PTPRD: variants seen among roughly 807,000 people sequenced by gnomAD.
PTPRD encodes the protein receptor-type tyrosine-protein phosphatase delta.
PTPRD carries 34 observed loss-of-function variants against 214.5 expected under a neutral mutation model. The ratio of observed to expected loss-of-function variants is 0.16; its 90% confidence interval spans 0.12 to 0.21. The LOEUF (loss-of-function observed/expected upper bound fraction) is 0.21. Among genes scored for constraint, PTPRD ranks in the 10% least tolerant of loss-of-function variants. The pLI is 1.00. For missense variants in PTPRD, 2,545 were observed against 2,398.7 expected (o/e 1.06, Z -1.27); for synonymous variants, 1,128 against 845.7 (o/e 1.33, Z -5.79).
rs972115219 is a variant in PTPRD, at chr9:9,938,592, C to G, written c.-453G>C. The G allele has an allele frequency of 7.9e-5, 12 of 152,112 alleles. No individual in the cohort carries two copies. Among genetic ancestry groups the G allele is most frequent in the South Asian group, 2.1e-4 (1 of 4,830 alleles). 9.4% of individuals were successfully genotyped at this position (152,112 alleles called of 1,614,324 possible). On this transcript the variant is annotated 5_prime_UTR_variant, in exon 5 of 46. Coordinates refer to ENST00000381196, the MANE Select transcript of PTPRD (RefSeq NM_002839.4). ...CTGGAATATCACGGGCCAGGAACTG[C>G]TTGCCTTTTATTTTCCACCTGGAAC... is the stretch of plus-strand genomic sequence containing the variant.
At chr9:9,949,636 G>A (rs1322724090) in intron 4 of PTPRD, among the ~76,000 whole-genome samples, 2 of 152,098 alleles carry the variant, frequency 1.3e-5, no homozygotes, top group Non-Finnish European at 2.9e-5. Flanking sequence ...TACGGAGTAG[G>A]CATTTTCTGA....
intron 3 of PTPRD, among the ~76,000 whole-genome samples, chr9:10,282,623 C>A (rs1346396162): frequency 6.6e-6 from 1 of 152,156 alleles, no homozygotes; most frequent in Non-Finnish European, 1.5e-5. Flanking sequence ...TCAACCCTGG[C>A]TGTACATTAG....
At chr9:9,290,534 A>G (rs1408725605) in intron 9 of PTPRD, among the ~76,000 whole-genome samples, 1 of 151,430 alleles carries the variant, frequency 6.6e-6, no homozygotes, top group Non-Finnish European at 1.5e-5. Flanking sequence ...GGAGTTTTAG[A>G]GTTTTGGTTC....
At chr9:10,487,515 ATATCT>A (rs966433051) in intron 2 of PTPRD, among the ~76,000 whole-genome samples, 1 of 152,172 alleles carries the variant, frequency 6.6e-6, no homozygotes, top group Non-Finnish European at 1.5e-5. Flanking sequence ...CTATCTTATA[ATATCT>A]TATAACCCAT....
intron 10 of PTPRD, among the ~76,000 whole-genome samples, chr9:9,026,760 A>C (rs2099588653): frequency 6.6e-6 from 1 of 151,872 alleles, no homozygotes; most frequent in Admixed American, 6.6e-5. Flanking sequence ...TGAAATTCAA[A>C]CTGCTTTATT....
At chr9:8,945,987 C>T (rs1025026444) in intron 11 of PTPRD, among the ~76,000 whole-genome samples, 2 of 152,108 alleles carry the variant, frequency 1.3e-5, no homozygotes, top group African/African-American at 2.4e-5. Flanking sequence ...CAAACTTGTT[C>T]CCCTAGGAAA....
chr9:9,907,304 T>G (rs1011344554), intron 5 of PTPRD, among the ~76,000 whole-genome samples: 4 of 151,970 alleles, frequency 2.6e-5, no homozygotes, highest in African/African-American at 9.7e-5. Context: ...ATCCTATTAT[T>G]ATTATATTAG....
At chr9:10,160,296 C>T (rs2154288098) in intron 3 of PTPRD, among the ~76,000 whole-genome samples, 1 of 152,076 alleles carries the variant, frequency 6.6e-6, no homozygotes, top group South Asian at 2.1e-4. Context: ...AAGTTTGAAG[C>T]ATGAGGATAT....
chr9:9,304,790 A>G (rs1182830578), intron 9 of PTPRD, among the ~76,000 whole-genome samples: 2 of 151,330 alleles, frequency 1.3e-5, no homozygotes, highest in Non-Finnish European at 2.9e-5. Flanking sequence ...AAAAGAGCTG[A>G]CAGTCTTATT....
intron 3 of PTPRD, among the ~76,000 whole-genome samples, chr9:10,254,565 G>T (rs910933998): frequency 1.3e-5 from 2 of 152,120 alleles, no homozygotes; most frequent in Non-Finnish European, 2.9e-5. Context: ...CTATTTAGAG[G>T]AAGGCTGTGC....
At chr9:9,396,550 C>T (rs1222665965) in intron 9 of PTPRD, among the ~76,000 whole-genome samples, 1 of 151,904 alleles carries the variant, frequency 6.6e-6, no homozygotes, top group Admixed American at 6.6e-5. Context: ...TTATTTCTTA[C>T]CCAAAACCTA....
chr9:8,518,588 G>A (rs2097829006), intron 20 of PTPRD, among the ~76,000 whole-genome samples, 159 bp from the exon 21 acceptor site: 1 of 152,110 alleles, frequency 6.6e-6, no homozygotes, highest in South Asian at 2.1e-4. Context: ...GGCCAAGAAG[G>A]ACAGGAAAAC....
intron 12 of PTPRD, among the ~76,000 whole-genome samples, chr9:8,703,093 G>C (rs1008531961): frequency 6.6e-5 from 10 of 152,086 alleles, no homozygotes; most frequent in Non-Finnish European, 1.2e-4. Context: ...CAGAAGAGCT[G>C]GTCAGATACC....
At chr9:10,075,729 A>G (rs1385313245) in intron 3 of PTPRD, among the ~76,000 whole-genome samples, 1 of 151,970 alleles carries the variant, frequency 6.6e-6, no homozygotes, top group Non-Finnish European at 1.5e-5. Flanking sequence ...GAGTTATTAT[A>G]TTAGACATAC....
At chr9:10,586,395 C>T (rs1332897922) in intron 2 of PTPRD, among the ~76,000 whole-genome samples, 1 of 151,670 alleles carries the variant, frequency 6.6e-6, no homozygotes, top group Non-Finnish European at 1.5e-5. Context: ...CTATATTCAG[C>T]TCAATAAAAA....
intron 3 of PTPRD, among the ~76,000 whole-genome samples, chr9:10,078,822 T>C (rs779852513): frequency 1.3e-5 from 2 of 152,078 alleles, no homozygotes; most frequent in Non-Finnish European, 2.9e-5. Flanking sequence ...TCTTCAAATA[T>C]TTTAGAGATT....
intron 5 of PTPRD, among the ~76,000 whole-genome samples, chr9:9,859,279 G>C (rs983919325): frequency 5.3e-5 from 8 of 152,134 alleles, no homozygotes; most frequent in African/African-American, 9.7e-5. Context: ...TCTCAGGTAA[G>C]TATCTTTATA....
Position 9,605,889 on chromosome 9 carries a change from G to A in PTPRD, c.-286-31108C>T, listed in dbSNP as rs1486752626. Among the ~76,000 whole-genome samples, 5 of 152,162 alleles carry A rather than the reference G, an allele frequency of 3.3e-5. No individual in the cohort carries two copies. The East Asian group carries it at 9.6e-4, about 29-fold the overall frequency. On this transcript the variant is annotated intron_variant, in intron 7 of 45. Coordinates refer to ENST00000381196, the MANE Select transcript of PTPRD (RefSeq NM_002839.4). ...ACTTGTCATAATGAGGCTCTTTTAT[G>A]TTATAAGTAAAGGCCAAAGTGCAAA...
At chr9:9,022,318 C>G (rs936996399) in intron 10 of PTPRD, among the ~76,000 whole-genome samples, 1 of 152,094 alleles carries the variant, frequency 6.6e-6, no homozygotes, top group African/African-American at 2.4e-5. Context: ...TCACTGCTCA[C>G]TCGTTGATTC....
Sources: gnomAD v4.1 joint callset for allele counts (sites outside exome capture counted in the v4.1 genomes callset) on GRCh38, gnomAD v4.1.1 for gene constraint, MANE v1.5 for transcripts, NCBI Gene and HGNC (gene_info 2026-07-23, HGNC 2026-07-21) for gene names.